SYCP2L: variants seen among roughly 807,000 people sequenced by gnomAD.
The protein encoded by SYCP2L is synaptonemal complex protein 2-like.
SYCP2L carries 98 observed loss-of-function variants against 125.8 expected under a neutral mutation model. That is an observed-to-expected ratio of 0.78 (90% CI 0.66 to 0.92). SYCP2L has a LOEUF of 0.92. Ranked by LOEUF, SYCP2L falls within the 40% of genes least tolerant of loss-of-function variation. The pLI, the probability that SYCP2L is intolerant of heterozygous loss-of-function variation, is 0.00. For missense variants in SYCP2L, 842 were observed against 936.4 expected, an observed-to-expected ratio of 0.90 and a Z score of 1.32; for synonymous variants, 317 against 325.4, an observed-to-expected ratio of 0.97 and a Z score of 0.28.
chr6:10,932,425 C>T (rs994259982), intron 20 of SYCP2L, among the ~76,000 whole-genome samples: 3 of 152,124 alleles, frequency 2.0e-5, no homozygotes, highest in African/African-American at 4.8e-5. Context: ...TCAGCAAGTT[C>T]GGAGCGGTTT....
At position 10,900,292 on chromosome 6, in the gene SYCP2L, T is replaced by G. The variant is rs138810536; in HGVS notation, c.466+1444T>G. ...CTACATGGTGGGCAGAGACCTGGCT[T>G]CTTGCTGTGTGGCTACAAAGTGGAC... is the stretch of plus-strand genomic sequence containing the variant. On this transcript the variant is annotated intron_variant, in intron 6 of 29. Transcript: ENST00000283141. Among the ~76,000 whole-genome samples, 746 of 151,496 alleles carry G rather than the reference T, an allele frequency of 4.9e-3. 5 individuals are homozygous for G. The highest frequency in any genetic ancestry group is 8.9e-3 in the Admixed American group (135 of 15,226).
At chr6:10,931,837 T>G (rs987133207) in intron 20 of SYCP2L, among the ~76,000 whole-genome samples, 8 of 151,876 alleles carry the variant, frequency 5.3e-5, no homozygotes, top group Middle Eastern at 3.2e-3. Context: ...TGGTAGCACA[T>G]GCTTATAGTC....
rs57579421 is a variant in SYCP2L at position 10,928,519 on chromosome 6, C to T, written c.1488+69C>T. On this transcript the variant is annotated intron_variant, in intron 18 of 29. Coordinates refer to ENST00000283141, the MANE Select transcript of SYCP2L (RefSeq NM_001040274.3). ...TGGGACTGTGACAGGTGGAAGCCACCTTTCCTGGTTCATGGACCATTTTCT... is the reference window on the plus strand; with the variant it reads ...TGGGACTGTGACAGGTGGAAGCCACTTTTCCTGGTTCATGGACCATTTTCT... 7.3e-3 allele frequency: 10,677 copies of T among 1,465,620 alleles called. 167 individuals are homozygous for T. Among genetic ancestry groups the T allele is most frequent in the African/African-American group, 0.058 (3,967 of 68,818 alleles). The allele number at this position is 1,465,620 out of a possible 1,614,324, so 90.8% of individuals were successfully genotyped here.
intron 14 of SYCP2L, among the ~76,000 whole-genome samples, chr6:10,924,128 T>A (rs1024205387): frequency 2.1e-4 from 32 of 152,038 alleles, no homozygotes; most frequent in Admixed American, 6.6e-4. Flanking sequence ...AGAGAGAGAG[T>A]GAATATTGTG....
chr6:10,917,978 TC>T (rs200595012), intron 14 of SYCP2L, among the ~76,000 whole-genome samples: 1,543 of 152,214 alleles, frequency 0.01, 25 homozygotes, highest in Non-Finnish European at 0.01. Flanking sequence ...AGGGCCCCAA[TC>T]CCTTCTAGCT....
rs1408924981 is a variant in SYCP2L at position 10,931,427 on chromosome 6, T to C, written c.1634-13T>C. 1 of 1,614,010 alleles carries C rather than the reference T, an allele frequency of 6.2e-7. No individual in the cohort carries two copies. The highest frequency in any genetic ancestry group is 1.3e-5 in the African/African-American group (1 of 74,954). Reference sequence around the variant, plus strand: ...TAATGTATATGTTGTGCACTTGTTTTCTTTCAATTTAGTCTTGCCAGTTTT... The same window carrying C: ...TAATGTATATGTTGTGCACTTGTTTCCTTTCAATTTAGTCTTGCCAGTTTT... On this transcript the variant is annotated splice_polypyrimidine_tract_variant and intron_variant, in intron 19 of 29. Coordinates refer to ENST00000283141, the MANE Select transcript of SYCP2L (RefSeq NM_001040274.3).
rs1418310037 is a variant in SYCP2L at position 10,973,953 on chromosome 6, C to T, written c.*39C>T. On this transcript the variant is annotated splice_region_variant and 3_prime_UTR_variant, in exon 30 of 30. Coordinates refer to ENST00000283141, the MANE Select transcript of SYCP2L (RefSeq NM_001040274.3). Reference sequence around the variant, plus strand: ...GCTCTCCTTTTCCTTTTCTGCCAGCCTGGGCTGCCTGAAGACGAAGAGAAA... The same window carrying T: ...GCTCTCCTTTTCCTTTTCTGCCAGCTTGGGCTGCCTGAAGACGAAGAGAAA... The T allele has an allele frequency of 6.6e-6, 1 of 152,236 alleles. No homozygotes were observed. Among genetic ancestry groups the T allele is most frequent in the Admixed American group, 6.5e-5 (1 of 15,278 alleles). 9.4% of individuals were successfully genotyped at this position (152,236 alleles called of 1,614,324 possible).
chr6:10,920,690 C>T (rs1561687802), intron 14 of SYCP2L, among the ~76,000 whole-genome samples: 1 of 148,050 alleles, frequency 6.8e-6, no homozygotes, highest in East Asian at 2.0e-4. Flanking sequence ...GGTAAACCTA[C>T]ACAGGTTTGT....
chr6:10,963,914 T>C lies in SYCP2L; in HGVS notation c.*37+71T>C, dbSNP rs960357208. The C allele has an allele frequency of 2.7e-5, 31 of 1,164,086 alleles. 1 individual carries two copies. In the African/African-American group the frequency reaches 3.7e-4, roughly 14 times the overall value. The allele number at this position is 1,164,086 out of a possible 1,614,324, so 72.1% of individuals were successfully genotyped here. A position where few individuals can be genotyped will look rare whatever the true frequency, so the allele number is the denominator to read the frequency against. ...AGGGCAGGGAGCAAGCTCTAAAAGATACTGTAATGCTTTGTTCATATGACA... is the reference window on the plus strand; with the variant it reads ...AGGGCAGGGAGCAAGCTCTAAAAGACACTGTAATGCTTTGTTCATATGACA... On this transcript the variant is annotated intron_variant, in intron 29 of 29. Transcript: ENST00000283141.
intron 16 of SYCP2L, among the ~76,000 whole-genome samples, chr6:10,926,687 T>C (rs1249403762): frequency 6.6e-6 from 1 of 152,164 alleles, no homozygotes; most frequent in Non-Finnish European, 1.5e-5. Flanking sequence ...AAGGAAGGTC[T>C]TGTCTACCCA....
chr6:10,893,792 T>A, intron 2 of SYCP2L, 75 bp from the exon 3 acceptor site: 1 of 1,471,084 alleles, frequency 6.8e-7, no homozygotes, highest in Middle Eastern at 2.4e-4. Flanking sequence ...TTATTGATAA[T>A]GAGATCAGTT....
chr6:10,936,422 G>C (rs1045471829), intron 21 of SYCP2L, among the ~76,000 whole-genome samples: 5 of 152,006 alleles, frequency 3.3e-5, no homozygotes, highest in Non-Finnish European at 4.4e-5. Context: ...GCTTGAACCG[G>C]GAGGCAGAGG....
At chr6:10,923,230 C>T (rs1041832382) in intron 14 of SYCP2L, among the ~76,000 whole-genome samples, 5 of 151,970 alleles carry the variant, frequency 3.3e-5, no homozygotes, top group Admixed American at 1.3e-4. Context: ...CTCCTTCTTC[C>T]GACTTACCTT....
chr6:10,919,098 T>A (rs1345590129), intron 14 of SYCP2L, among the ~76,000 whole-genome samples: 4 of 152,210 alleles, frequency 2.6e-5, no homozygotes, highest in Admixed American at 6.5e-5. Flanking sequence ...CTTCTTGGTT[T>A]GGATCCATTG....
intron 14 of SYCP2L, among the ~76,000 whole-genome samples, chr6:10,923,688 T>TTC (rs1554106103): frequency 7.5e-6 from 1 of 134,146 alleles, no homozygotes; most frequent in African/African-American, 2.9e-5. Flanking sequence ...TTTTTCTTTT[T>TTC]TTTTTTTTTT....
intron 2 of SYCP2L, among the ~76,000 whole-genome samples, chr6:10,893,346 A>G (rs968614226): frequency 6.6e-6 from 1 of 152,262 alleles, no homozygotes; most frequent in African/African-American, 2.4e-5. Flanking sequence ...GTGCAGGCAG[A>G]AAAGATGAAT....
At chr6:10,898,312 C>T (rs540424895) in intron 5 of SYCP2L, among the ~76,000 whole-genome samples, 197 bp downstream of exon 5, 68 of 152,212 alleles carry the variant, frequency 4.5e-4, no homozygotes, top group African/African-American at 1.6e-3. Context: ...GTCAGGAGTT[C>T]GAGACCAGCC....
At position 10,912,836 on chromosome 6, in the gene SYCP2L, C is replaced by T. The variant is rs1255296017; in HGVS notation, c.1012-31C>T. The stretch of plus-strand genomic sequence containing the variant: ...TTTTTATGTAAGTATGTGTTTTGCA[C>T]TCATGAATTTCACTTATTTATTTTC... On this transcript the variant is annotated intron_variant, in intron 13 of 29. Coordinates refer to ENST00000283141, the MANE Select transcript of SYCP2L (RefSeq NM_001040274.3). The surrounding 1 kb of genome is among the most constrained non-coding windows in gnomAD (Gnocchi z 4.1). 1 of 1,611,826 alleles carries T rather than the reference C, an allele frequency of 6.2e-7. No individual in the cohort carries two copies. The highest frequency in any genetic ancestry group is 8.5e-7 in the Non-Finnish European group (1 of 1,178,250).
chr6:10,900,416 G>A (rs988107938), intron 6 of SYCP2L, among the ~76,000 whole-genome samples: 6 of 151,318 alleles, frequency 4.0e-5, no homozygotes, highest in Admixed American at 2.0e-4. Context: ...GCAGTGGCAC[G>A]TTCTCAGCTC....
Sources: allele counts gnomAD v4.1 joint callset (sites outside exome capture counted in the v4.1 genomes callset), GRCh38; gene constraint gnomAD v4.1.1; non-coding constraint Gnocchi (gnomAD v3.1); transcripts MANE v1.5; gene names NCBI Gene and HGNC (gene_info 2026-07-23, HGNC 2026-07-21).